TAF3: variants seen among roughly 807,000 people sequenced by gnomAD.
TAF3 encodes the protein TATA-box binding protein associated factor 3, also known as transcription initiation factor TFIID subunit 3.
TAF3 carries 7 observed loss-of-function variants against 80.6 expected under a neutral mutation model. That is an observed-to-expected ratio of 0.09 (90% CI 0.05 to 0.16). The LOEUF (loss-of-function observed/expected upper bound fraction) is 0.16, where lower values mean the gene tolerates loss of function less well. Among genes scored for constraint, TAF3 ranks in the 10% least tolerant of loss-of-function variants. TAF3 has a pLI of 1.00. For synonymous variants in TAF3, 444 were observed against 446.1 expected (o/e 1.00, Z 0.06); for missense variants, 921 against 1,140.2 (o/e 0.81, Z 2.77).
At chr10:7,980,823 A>C (rs1301781469) in intron 4 of TAF3, among the ~76,000 whole-genome samples, 1 of 152,186 alleles carries the variant, frequency 6.6e-6, no homozygotes, top group Non-Finnish European at 1.5e-5. Context: ...GACAGCCACC[A>C]TGGAGGCCAG....
At chr10:7,824,167 T>G in intron 1 of TAF3, 151 bp from the exon 2 acceptor site, 1 of 902,462 alleles carries the variant, frequency 1.1e-6, no homozygotes, top group South Asian at 2.0e-5. Context: ...GATTCTGTGA[T>G]ACTCTTTAAA....
chr10:7,948,389 T>C (rs1838047877), intron 2 of TAF3, among the ~76,000 whole-genome samples: 1 of 152,100 alleles, frequency 6.6e-6, no homozygotes, highest in Non-Finnish European at 1.5e-5. Flanking sequence ...GCGCCCAGCC[T>C]TCGTCTGATT....
intron 2 of TAF3, among the ~76,000 whole-genome samples, chr10:7,907,861 A>G (rs540878452): frequency 6.6e-6 from 1 of 152,340 alleles, no homozygotes; most frequent in African/African-American, 2.4e-5. Context: ...GGGTGGGTTG[A>G]AGCTGGAAAA....
intron 2 of TAF3, among the ~76,000 whole-genome samples, chr10:7,904,144 G>C (rs996488035): frequency 6.6e-6 from 1 of 151,928 alleles, no homozygotes; most frequent in Non-Finnish European, 1.5e-5. Context: ...TGAATTCAGC[G>C]GCAGCGAGAG....
At chr10:7,999,013 G>A (rs1195209091) in intron 4 of TAF3, among the ~76,000 whole-genome samples, 2 of 152,110 alleles carry the variant, frequency 1.3e-5, no homozygotes, top group Non-Finnish European at 2.9e-5. Flanking sequence ...CTGGTGTTGG[G>A]AATGACTAGG....
chr10:7,871,999 C>T (rs935003817), intron 2 of TAF3, among the ~76,000 whole-genome samples: 2 of 152,108 alleles, frequency 1.3e-5, no homozygotes, highest in African/African-American at 4.8e-5. Context: ...TAAATTTAAT[C>T]GGGACGCTTT....
At chr10:7,972,649 C>G (rs763837780) in intron 3 of TAF3, among the ~76,000 whole-genome samples, 1 of 152,198 alleles carries the variant, frequency 6.6e-6, no homozygotes, top group Admixed American at 6.5e-5. Context: ...CATTTTAAAT[C>G]TCACTTATGT....
At chr10:7,846,064 G>T (rs189562515) in intron 2 of TAF3, among the ~76,000 whole-genome samples, 1,508 of 150,202 alleles carry the variant, frequency 0.01, 75 homozygotes, top group Admixed American at 0.076. Context: ...GTTCACGCCA[G>T]TCTCCTGCCT....
intron 2 of TAF3, among the ~76,000 whole-genome samples, chr10:7,899,207 G>A (rs1036141309): frequency 2.6e-5 from 4 of 152,128 alleles, no homozygotes; most frequent in Middle Eastern, 3.2e-3. Context: ...TTGCCTGTGC[G>A]CAGTCTCCCT....
intron 4 of TAF3, among the ~76,000 whole-genome samples, chr10:7,980,117 GAAT>G (rs1240277849): frequency 6.6e-6 from 1 of 152,030 alleles, no homozygotes; most frequent in Non-Finnish European, 1.5e-5. Flanking sequence ...CCTTGGGGGG[GAAT>G]AATACTCTTT....
chr10:7,857,194 G>C (rs557706299), intron 2 of TAF3, among the ~76,000 whole-genome samples: 1 of 152,274 alleles, frequency 6.6e-6, no homozygotes, highest in East Asian at 1.9e-4. Flanking sequence ...TGACTTTTTT[G>C]CTGAATTGGA....
chr10:7,989,304 G>A (rs1328654089), intron 4 of TAF3, among the ~76,000 whole-genome samples: 1 of 152,230 alleles, frequency 6.6e-6, no homozygotes, highest in Non-Finnish European at 1.5e-5. Context: ...AAGGAAGAGA[G>A]AGAGGGCTGA....
At chr10:7,936,529 T>G (rs1837922473) in intron 2 of TAF3, among the ~76,000 whole-genome samples, 2 of 151,970 alleles carry the variant, frequency 1.3e-5, no homozygotes, top group Non-Finnish European at 2.9e-5. Context: ...GACTTTATTA[T>G]TTAGAGCAGT....
intron 2 of TAF3, among the ~76,000 whole-genome samples, chr10:7,865,087 G>A (rs1218932192): frequency 1.3e-5 from 2 of 152,156 alleles, no homozygotes; most frequent in African/African-American, 2.4e-5. Context: ...GTCCTCACCA[G>A]TGGTGACTCA....
chr10:7,882,719 T>A (rs902852718), intron 2 of TAF3, among the ~76,000 whole-genome samples: 8 of 152,192 alleles, frequency 5.3e-5, no homozygotes, highest in African/African-American at 1.9e-4. Context: ...CTTTGCAAAG[T>A]GATCACTTGA....
chr10:8,007,605 TATA>T (rs1832008894), intron 4 of TAF3, among the ~76,000 whole-genome samples: 1 of 109,414 alleles, frequency 9.1e-6, no homozygotes, highest in African/African-American at 3.5e-5. Context: ...TATATATATA[TATA>T]TACCTTTTTT....
chr10:7,891,125 A>G lies in TAF3; in HGVS notation c.409+66565A>G, dbSNP rs763412784. On this transcript the variant is annotated intron_variant, in intron 2 of 6. Transcript: ENST00000344293. ...GGACATTTGTTAATCTAGTAAGTCA[A>G]TTGAACAGAGGCTGCAGGTTTTTGA... Among the ~76,000 whole-genome samples the G allele has an allele frequency of 2.2e-4, 34 of 152,236 alleles. 1 individual carries two copies. Among genetic ancestry groups the G allele is most frequent in the Non-Finnish European group, 4.0e-4 (27 of 68,038 alleles).
chr10:7,965,366 A>G lies in TAF3; in HGVS notation c.1856A>G (p.Lys619Arg). 6.2e-7 allele frequency: 1 copy of G among 1,606,082 alleles called. No individual in the cohort carries two copies. The highest frequency in any genetic ancestry group is 8.5e-7 in the Non-Finnish European group (1 of 1,178,084). Residue 619 changes from lysine to arginine, a missense_variant, in exon 3 of 7, where the codon AAG (lysine) becomes AGG (arginine). Physicochemically the swap from Lys to Arg is conservative, Grantham distance 26. Coordinates refer to ENST00000344293, the MANE Select transcript of TAF3 (RefSeq NM_031923.4). ...AAGGAGAAAGAGAAGCATAAAGATA[A>G]GAAGAAAGATAGAGAGAAAGGCAAG... ...VRKEKEKHKD[K>R]KKDREKGKKD... is the part of the protein sequence containing the mutation.
intron 5 of TAF3, among the ~76,000 whole-genome samples, chr10:8,010,552 C>T (rs967105497): frequency 7.2e-5 from 11 of 152,170 alleles, no homozygotes; most frequent in Non-Finnish European, 1.5e-4. Context: ...CCAGGGCTTG[C>T]ATATTAAATG....
Sources: allele counts gnomAD v4.1 joint callset (sites outside exome capture counted in the v4.1 genomes callset), GRCh38; gene constraint gnomAD v4.1.1; transcripts MANE v1.5; gene names NCBI Gene and HGNC (gene_info 2026-07-23, HGNC 2026-07-21).